The following RASGRF2 variants were observed in gnomAD, a reference collection of about 807,000 sequenced individuals.
RASGRF2 encodes ras-specific guanine nucleotide-releasing factor 2.
In RASGRF2, 76 loss-of-function variants were observed where a neutral mutation model predicts 151.0. The observed-to-expected ratio is 0.50, with a 90% CI of 0.42 to 0.61. The LOEUF (loss-of-function observed/expected upper bound fraction) is 0.61. Ranked by LOEUF, RASGRF2 falls within the 20% of genes least tolerant of loss-of-function variation. The probability of loss-of-function intolerance (pLI) is 0.00; values close to 1 mark genes in which losing one functional copy is unlikely to be tolerated. For synonymous variants in RASGRF2, 504 were observed against 566.5 expected (o/e 0.89, Z 1.57); for missense variants, 1,148 against 1,564.6 (o/e 0.73, Z 4.49).
chr5:81,196,665 T>C (rs533095513), intron 18 of RASGRF2, among the ~76,000 whole-genome samples: 17 of 125,814 alleles, frequency 1.4e-4, no homozygotes, highest in African/African-American at 4.5e-4. Flanking sequence ...CAGTAGGTAC[T>C]CACTAATGCC....
chr5:81,009,726 T>A (rs1032095854), intron 1 of RASGRF2, among the ~76,000 whole-genome samples: 2 of 152,220 alleles, frequency 1.3e-5, no homozygotes, highest in South Asian at 4.1e-4. Flanking sequence ...CTGTGTAACA[T>A]TATGTACACT....
intron 1 of RASGRF2, among the ~76,000 whole-genome samples, chr5:80,996,504 C>CTT (rs56180832): frequency 0.31 from 15,725 of 50,058 alleles, 4,154 homozygotes; most frequent in South Asian, 0.42. Context: ...TCTTCTTCTT[C>CTT]CTCCTCCTCC....
chr5:81,122,543 A>G (rs574233190), intron 15 of RASGRF2, among the ~76,000 whole-genome samples: 2 of 152,328 alleles, frequency 1.3e-5, no homozygotes, highest in South Asian at 4.1e-4. Flanking sequence ...CAAGTATAAA[A>G]ATGGCCTTAG....
At chr5:81,153,074 G>C (rs1754173161) in intron 17 of RASGRF2, among the ~76,000 whole-genome samples, 1 of 152,050 alleles carries the variant, frequency 6.6e-6, no homozygotes, top group Admixed American at 6.6e-5. Flanking sequence ...GAATTAAAAT[G>C]GTACATTATG....
intron 2 of RASGRF2, among the ~76,000 whole-genome samples, chr5:81,044,224 C>T (rs2112397604): frequency 6.6e-6 from 1 of 152,200 alleles, no homozygotes; most frequent in African/African-American, 2.4e-5. Flanking sequence ...TTGAGACCAG[C>T]CTGGCCAACA....
rs563688247 is a variant in RASGRF2, at chr5:81,030,255, A to G, written c.289-12622A>G. ...GGTATTATCCAGGAGAACTTCCCCA[A>G]TCTAGCAAGGCAGGCCAACATTCAA... On this transcript the variant is annotated intron_variant, in intron 1 of 26. Coordinates refer to ENST00000265080, the MANE Select transcript of RASGRF2 (RefSeq NM_006909.3). Among the ~76,000 whole-genome samples, 8 of 152,362 alleles carry G rather than the reference A, an allele frequency of 5.3e-5. No individual in the cohort carries two copies. In the East Asian group the frequency reaches 1.5e-3, roughly 29 times the overall value.
At chr5:81,116,467 C>T (rs1753160479) in intron 15 of RASGRF2, among the ~76,000 whole-genome samples, 1 of 152,184 alleles carries the variant, frequency 6.6e-6, no homozygotes, top group Non-Finnish European at 1.5e-5. Flanking sequence ...ATGGGCAGCC[C>T]TGTAGAGCAG....
At chr5:81,001,772 C>T in intron 1 of RASGRF2, among the ~76,000 whole-genome samples, 1 of 152,128 alleles carries the variant, frequency 6.6e-6, no homozygotes, top group South Asian at 2.1e-4. Context: ...GGATTGTAAC[C>T]TCCTTGAGGG....
rs945880052 is a variant in RASGRF2 at position 81,109,227 on chromosome 5, A to G, written c.1838+149A>G. 95 of 1,375,946 alleles carry G rather than the reference A, an allele frequency of 6.9e-5. No homozygotes were observed. The Middle Eastern group carries it at 1.5e-3, about 22-fold the overall frequency. The allele number at this position is 1,375,946 out of a possible 1,614,324, so 85.2% of individuals were successfully genotyped here. A position where few individuals can be genotyped will look rare whatever the true frequency, so the allele number is the denominator to read the frequency against. ...GGAATGCAGTGATTCATATGATTCCATTATAAATGAGACTATCAAAATGGT... is the reference window on the plus strand; with the variant it reads ...GGAATGCAGTGATTCATATGATTCCGTTATAAATGAGACTATCAAAATGGT... On this transcript the variant is annotated intron_variant, in intron 13 of 26. Transcript: ENST00000265080.
intron 2 of RASGRF2, among the ~76,000 whole-genome samples, chr5:81,067,275 G>T (rs985764166): frequency 2.6e-5 from 4 of 152,150 alleles, no homozygotes; most frequent in African/African-American, 9.7e-5. Context: ...ATGCATGGAA[G>T]AATATCCATT....
intron 17 of RASGRF2, among the ~76,000 whole-genome samples, chr5:81,179,229 CAA>C (rs1366011202): frequency 1.3e-5 from 2 of 152,184 alleles, no homozygotes; most frequent in African/African-American, 4.8e-5. Context: ...AGAGAAGACT[CAA>C]AGACAGTGAA....
intron 19 of RASGRF2, among the ~76,000 whole-genome samples, chr5:81,205,271 G>A (rs1484192097): frequency 6.6e-6 from 1 of 152,196 alleles, no homozygotes; most frequent in Non-Finnish European, 1.5e-5. Flanking sequence ...TATTGACTGT[G>A]TGCTGTGTGT....
intron 23 of RASGRF2, among the ~76,000 whole-genome samples, chr5:81,213,082 A>G (rs1755660350): frequency 6.6e-6 from 1 of 152,232 alleles, no homozygotes; most frequent in East Asian, 1.9e-4. Flanking sequence ...AGATAATTTC[A>G]AGATTCAAAC....
intron 21 of RASGRF2, 22 bp from the exon 22 acceptor site, chr5:81,208,332 G>A (rs1452598766): frequency 1.9e-6 from 3 of 1,602,432 alleles, no homozygotes; most frequent in Non-Finnish European, 2.6e-6. Context: ...AATTGGTTTT[G>A]TGTTTTGTTT....
chr5:81,033,892 C>G (rs950879354), intron 1 of RASGRF2, among the ~76,000 whole-genome samples: 6 of 152,210 alleles, frequency 3.9e-5, no homozygotes, highest in African/African-American at 1.4e-4. Flanking sequence ...TTTTTACAAT[C>G]TACCCATCTG....
intron 18 of RASGRF2, among the ~76,000 whole-genome samples, chr5:81,200,012 C>T (rs1207047191): frequency 2.6e-5 from 4 of 151,316 alleles, no homozygotes; most frequent in South Asian, 4.2e-4. Flanking sequence ...GGCTCACGGT[C>T]GTAATCCCAG....
chr5:81,135,841 C>T (rs2112589531), intron 17 of RASGRF2, among the ~76,000 whole-genome samples: 1 of 152,286 alleles, frequency 6.6e-6, no homozygotes, highest in South Asian at 2.1e-4. Flanking sequence ...TGTTTAACTG[C>T]TTAATAAACT....
chr5:80,969,291 C>T (rs187202541), intron 1 of RASGRF2, among the ~76,000 whole-genome samples: 6 of 151,616 alleles, frequency 4.0e-5, no homozygotes, highest in East Asian at 2.0e-4. Context: ...CCACCACACC[C>T]GGCTAACTTT....
chr5:81,182,121 A>T (rs527912306), intron 18 of RASGRF2, among the ~76,000 whole-genome samples: 7 of 152,226 alleles, frequency 4.6e-5, no homozygotes, highest in Non-Finnish European at 8.8e-5. Context: ...CTTATACATG[A>T]GCAAGCTTGT....
Sources: allele counts gnomAD v4.1 joint callset (sites outside exome capture counted in the v4.1 genomes callset), GRCh38; gene constraint gnomAD v4.1.1; transcripts MANE v1.5; gene names NCBI Gene and HGNC (gene_info 2026-07-23, HGNC 2026-07-21).